Variants in TMPRSS13 observed in about 807,000 individuals in gnomAD.
The protein encoded by TMPRSS13 is transmembrane serine protease 13, also known as transmembrane protease serine 13.
Under a neutral mutation model 68.4 loss-of-function variants are expected in TMPRSS13, and 50 were observed. The ratio of observed to expected loss-of-function variants is 0.73; its 90% confidence interval spans 0.58 to 0.93. TMPRSS13 has a LOEUF of 0.93. TMPRSS13 is among the 40% of genes least tolerant of loss of function. TMPRSS13 has a pLI of 0.00. For synonymous variants in TMPRSS13, 267 were observed against 285.8 expected, an observed-to-expected ratio of 0.93 and a Z score of 0.66; for missense variants, 615 against 729.2, an observed-to-expected ratio of 0.84 and a Z score of 1.80.
At chr11:117,918,922 A>G in intron 1 of TMPRSS13, 84 bp from the exon 2 acceptor site, 1 of 1,565,430 alleles carries the variant, frequency 6.4e-7, no homozygotes, top group African/African-American at 1.3e-5. Flanking sequence ...TAGGAGATGA[A>G]TGCTCTGGGG....
intron 6 of TMPRSS13, 152 bp downstream of exon 6, chr11:117,911,616 G>A (rs2057524002): frequency 1.6e-6 from 1 of 619,632 alleles, no homozygotes; most frequent in African/African-American, 1.9e-5. Context: ...GGTGAATAAG[G>A]ACTATTTCCA....
In TMPRSS13 at chr11:117,918,745, C is replaced by T. The variant is rs200462399; in HGVS notation, c.115G>A (p.Ala39Thr). Residue 39 changes from alanine to threonine, a missense_variant, in exon 2 of 13, where the codon GCA becomes ACA. Physicochemically the swap from Ala to Thr is moderately conservative, Grantham distance 58. Coordinates refer to ENST00000524993, the MANE Select transcript of TMPRSS13 (RefSeq NM_001077263.3). ...TPPGRASPAQASPAQASPAGT... is the reference protein window; with the variant it reads ...TPPGRASPAQTSPAQASPAGT... ...GCTGGAGATGCCTGGGCTGGAGATGCCTGGGCTGGAGATGCCCGGCCTGGA... is the reference window on the plus strand; with the variant it reads ...GCTGGAGATGCCTGGGCTGGAGATGTCTGGGCTGGAGATGCCCGGCCTGGA... 313 of 1,611,276 alleles carry T rather than the reference C, an allele frequency of 1.9e-4. No individual in the cohort carries two copies. Among genetic ancestry groups the T allele is most frequent in the Non-Finnish European group, 2.3e-4 (270 of 1,179,348 alleles).
chr11:117,909,987 CGT>C lies in TMPRSS13; in HGVS notation c.947-21_947-20del. The C allele has an allele frequency of 1.2e-6, 2 of 1,609,218 alleles. No individual in the cohort carries two copies. The highest frequency in any genetic ancestry group is 1.7e-6 in the Non-Finnish European group (2 of 1,175,938). Reference sequence around the variant, plus strand: ...CCGCAGTCTGGAGGGAAGGAGTAGACGTACTGTGAACCCTGTTTCTCCCAGGG... The same window carrying C: ...CCGCAGTCTGGAGGGAAGGAGTAGACACTGTGAACCCTGTTTCTCCCAGGG... On this transcript the variant is annotated intron_variant, in intron 7 of 12. Transcript: ENST00000524993.
At chr11:117,902,361 C>T (rs982493597) in intron 12 of TMPRSS13, 96 bp from the exon 13 acceptor site, 31 of 1,348,286 alleles carry the variant, frequency 2.3e-5, no homozygotes, top group African/African-American at 2.9e-5. Flanking sequence ...AATTTAGCCT[C>T]GCTGTCACCT....
intron 1 of TMPRSS13, among the ~76,000 whole-genome samples, chr11:117,919,310 T>C (rs1029264477): frequency 6.6e-6 from 1 of 152,256 alleles, no homozygotes; most frequent in Non-Finnish European, 1.5e-5. Context: ...TATAAAATAT[T>C]GTTCTTACTA....
At chr11:117,926,734 G>C (rs142589403) in intron 1 of TMPRSS13, among the ~76,000 whole-genome samples, 2 of 152,214 alleles carry the variant, frequency 1.3e-5, no homozygotes, top group Non-Finnish European at 2.9e-5. Context: ...GGAGCCTCAG[G>C]GGGGAATGTG....
chr11:117,911,785 G>A lies in TMPRSS13; in HGVS notation c.885C>T (p.Ile295=). The A allele has an allele frequency of 6.2e-7, 1 of 1,614,010 alleles. No homozygotes were observed. The highest frequency in any genetic ancestry group is 1.3e-5 in the African/African-American group (1 of 75,040). The change falls in exon 6 of 13, where the codon ATC becomes ATT. Residue 295 remains isoleucine, a synonymous_variant. Coordinates refer to ENST00000524993, the MANE Select transcript of TMPRSS13 (RefSeq NM_001077263.3). ...CACCATACCTGTGGAGGCTTTCCTGGATGGTGGAGTTGTATCTCAAGATTG... is the reference window on the plus strand; with the variant it reads ...CACCATACCTGTGGAGGCTTTCCTGAATGGTGGAGTTGTATCTCAAGATTG... ...SFSILRYNST[I]QESLHRSECP... is the part of the protein sequence containing the mutation.
chr11:117,918,257 T>G (rs750253209), intron 2 of TMPRSS13, 152 bp downstream of exon 2: 2 of 982,666 alleles, frequency 2.0e-6, no homozygotes, highest in Non-Finnish European at 2.9e-6. Flanking sequence ...CCTTTTTGCC[T>G]CCACCCTCAG....
At chr11:117,923,289 T>C (rs1403782093) in intron 1 of TMPRSS13, among the ~76,000 whole-genome samples, 1 of 152,130 alleles carries the variant, frequency 6.6e-6, no homozygotes, top group Non-Finnish European at 1.5e-5. Context: ...CTGAGGCGAA[T>C]GGGATGTTTT....
chr11:117,927,884 C>T (rs2057721821), intron 1 of TMPRSS13, among the ~76,000 whole-genome samples: 1 of 152,164 alleles, frequency 6.6e-6, no homozygotes, highest in South Asian at 2.1e-4. Context: ...TAATATTTGA[C>T]ACTTAATTCA....
At chr11:117,917,077 C>T (rs2057585504) in intron 3 of TMPRSS13, 93 bp downstream of exon 3, 2 of 1,043,420 alleles carry the variant, frequency 1.9e-6, no homozygotes, top group South Asian at 1.4e-5. Context: ...GTGGGTGCTC[C>T]CCACACCTGT....
chr11:117,914,655 G>C lies in TMPRSS13; in HGVS notation c.557-141C>G. 6.9e-7 allele frequency: 1 copy of C among 1,452,378 alleles called. No homozygotes were observed. Among genetic ancestry groups the C allele is most frequent in the South Asian group, 1.3e-5 (1 of 75,158 alleles). The allele number at this position is 1,452,378 out of a possible 1,614,324, so 90.0% of individuals were successfully genotyped here. ...GGGGCTCTCATCCCCCATCTGTATGGAGAGAAAGGCTGCTCAGGAATGCTC... is the reference window on the plus strand; with the variant it reads ...GGGGCTCTCATCCCCCATCTGTATGCAGAGAAAGGCTGCTCAGGAATGCTC... On this transcript the variant is annotated intron_variant, in intron 3 of 12. Coordinates refer to ENST00000524993, the MANE Select transcript of TMPRSS13 (RefSeq NM_001077263.3). The surrounding 1 kb of genome is among the most constrained non-coding windows in gnomAD (Gnocchi z 4.2).
In TMPRSS13 at chr11:117,914,260, A is replaced by AACATGCACATACACAC. The variant is rs1340751719; in HGVS notation, c.679+116_679+131dup. On this transcript the variant is annotated intron_variant, in intron 4 of 12. Coordinates refer to ENST00000524993, the MANE Select transcript of TMPRSS13 (RefSeq NM_001077263.3). This position sits in a 1 kb window ranked among gnomAD's most constrained non-coding sequence, Gnocchi z 4.2. ...ACACACACATACATGCATACACACAAACATGCACATACACACACATGCACG... is the reference window on the plus strand; with the variant it reads ...ACACACACATACATGCATACACACAAACATGCACATACACACACATGCACATACACACACATGCACG... The AACATGCACATACACAC allele has an allele frequency of 3.2e-6, 4 of 1,259,078 alleles. No homozygotes were observed. In the African/African-American group the frequency reaches 5.8e-5, roughly 18 times the overall value. 78.0% of individuals were successfully genotyped at this position (1,259,078 alleles called of 1,614,324 possible). A position where few individuals can be genotyped will look rare whatever the true frequency, so the allele number is the denominator to read the frequency against.
intron 5 of TMPRSS13, 75 bp from the exon 6 acceptor site, chr11:117,911,935 C>T: frequency 1.7e-6 from 2 of 1,208,116 alleles, no homozygotes; most frequent in Non-Finnish European, 1.2e-6. Flanking sequence ...CAGGCTAGAG[C>T]CCCACCAGCC....
At chr11:117,913,392 G>A (rs756311830) in intron 5 of TMPRSS13, among the ~76,000 whole-genome samples, 1 of 152,176 alleles carries the variant, frequency 6.6e-6, no homozygotes, top group Non-Finnish European at 1.5e-5. Context: ...CCATTGAAAG[G>A]CTTTGCACAA....
rs745467688 is a variant in TMPRSS13 at position 117,904,115 on chromosome 11, G to T, written c.1382-14C>A. On this transcript the variant is annotated splice_polypyrimidine_tract_variant and intron_variant, in intron 10 of 12. Transcript: ENST00000524993. The stretch of plus-strand genomic sequence containing the variant: ...GGGATGTCTTGTCTTCAGTGAAGTG[G>T]GGTGGAGGAGACAGAGGATGGGAAG... The T allele has an allele frequency of 1.2e-6, 2 of 1,612,680 alleles. No homozygotes were observed. Among genetic ancestry groups the T allele is most frequent in the African/African-American group, 1.3e-5 (1 of 75,044 alleles).
intron 12 of TMPRSS13, 82 bp from the exon 13 acceptor site, chr11:117,902,347 C>T: frequency 6.6e-7 from 1 of 1,517,810 alleles, no homozygotes; most frequent in Non-Finnish European, 9.1e-7. Flanking sequence ...GGTTCAGAAC[C>T]TATAATTTAG....
chr11:117,907,426 A>T (rs1230632153), intron 9 of TMPRSS13: 1 of 152,060 alleles, frequency 6.6e-6, no homozygotes. Context: ...TCCTCACCCC[A>T]CTCTGATGAT....
intron 1 of TMPRSS13, among the ~76,000 whole-genome samples, chr11:117,925,337 G>C (rs2057695049): frequency 6.6e-6 from 1 of 152,234 alleles, no homozygotes; most frequent in Non-Finnish European, 1.5e-5. Context: ...CTGTGCACAT[G>C]AAAAAGCTCA....
Sources: gnomAD v4.1 joint callset for allele counts (sites outside exome capture counted in the v4.1 genomes callset) on GRCh38, gnomAD v4.1.1 for gene constraint, Gnocchi (gnomAD v3.1) non-coding constraint, MANE v1.5 for transcripts, NCBI Gene and HGNC (gene_info 2026-07-23, HGNC 2026-07-21) for gene names.